The following NXF1 variants were observed in gnomAD, a reference collection of about 807,000 sequenced individuals.
NXF1 encodes nuclear RNA export factor 1.
NXF1 carries 43 observed loss-of-function variants against 92.4 expected under a neutral mutation model. The observed-to-expected ratio is 0.47, with a 90% CI of 0.36 to 0.60. The LOEUF (loss-of-function observed/expected upper bound fraction) is 0.60. Among genes scored for constraint, NXF1 ranks in the 20% least tolerant of loss-of-function variants. The pLI, the probability that NXF1 is intolerant of heterozygous loss-of-function variation, is 0.00. For missense variants in NXF1, 576 were observed against 793.0 expected (o/e 0.73, Z 3.29); for synonymous variants, 288 against 292.2 (o/e 0.99, Z 0.15).
chr11:62,796,180 G>A lies in NXF1; in HGVS notation c.1347C>T (p.Thr449=), dbSNP rs764488171. Residue 449 remains threonine, a splice_region_variant and synonymous_variant, in exon 16 of 21, where the codon ACC becomes ACT. Transcript: ENST00000294172. ...SRNVKKLKDP[T]LRFRLLKHTR... ...TGTGCTTCAGCAGCCGGAACCGCAA[G>A]GCTGTGGGTAGAGGAGAAAGCTCAG... is the stretch of plus-strand genomic sequence containing the variant. The A allele has an allele frequency of 8.1e-6, 13 of 1,614,068 alleles. No individual in the cohort carries two copies. The highest frequency in any genetic ancestry group is 1.3e-5 in the African/African-American group (1 of 74,948).
Position 62,803,877 on chromosome 11 carries a change from C to A in NXF1, c.130G>T (p.Gly44Cys), listed in dbSNP as rs756848721. The change falls in exon 2 of 21, where the codon GGT becomes TGT. Residue 44 changes from glycine (G) to cysteine (C), a missense_variant. Transcript: ENST00000294172. Reference sequence around the variant, plus strand: ...AGGCGGGAAGACCGAATACCAGAACCGCCTCTTCCAGACCTACGGTTTCCT... The same window carrying A: ...AGGCGGGAAGACCGAATACCAGAACAGCCTCTTCCAGACCTACGGTTTCCT... Reference protein sequence around the residue: ...GEGNRRSGRGGSGIRSSRLEE... With the variant: ...GEGNRRSGRGCSGIRSSRLEE... 4.3e-6 allele frequency: 7 copies of A among 1,614,060 alleles called. No individual in the cohort carries two copies. In the Admixed American group the frequency reaches 6.7e-5, roughly 15 times the overall value.
chr11:62,799,648 G>A, intron 10 of NXF1: 1 of 985,702 alleles, frequency 1.0e-6, no homozygotes, highest in South Asian at 4.7e-5. Context: ...GCCCCCGAGG[G>A]GGTCAGTTCT....
rs1188931292 is a variant in NXF1 at position 62,795,950 on chromosome 11, G to C, written c.1462-7C>G. 2 of 1,614,024 alleles carry C rather than the reference G, an allele frequency of 1.2e-6. No individual in the cohort carries two copies. Among genetic ancestry groups the C allele is most frequent in the Admixed American group, 1.7e-5 (1 of 60,020 alleles). ...AAAAACACAGCAATGTGCTCTGAAA[G>C]AGAAGCAGCATCAGGTACAATGTAC... On this transcript the variant is annotated splice_region_variant and splice_polypyrimidine_tract_variant and intron_variant, in intron 16 of 20. Coordinates refer to ENST00000294172, the MANE Select transcript of NXF1 (RefSeq NM_006362.5).
chr11:62,796,031 T>G, intron 16 of NXF1, 35 bp downstream of exon 16: 7 of 1,024,500 alleles, frequency 6.8e-6, no homozygotes, highest in African/African-American at 1.7e-5. Context: ...CCCACCCCAA[T>G]TCTAGGCTTC....
intron 10 of NXF1, 50 bp from the exon 11 acceptor site, chr11:62,798,625 C>T: frequency 1.9e-6 from 3 of 1,610,630 alleles, no homozygotes; most frequent in Non-Finnish European, 2.5e-6. Flanking sequence ...CACCGTGCCT[C>T]CTGGGCTGCT....
At chr11:62,796,018 AC>A (rs1290946730) in intron 16 of NXF1, 47 bp downstream of exon 16, 1 of 1,390,546 alleles carries the variant, frequency 7.2e-7, no homozygotes, top group South Asian at 1.1e-5. Flanking sequence ...ATTAAATGCC[AC>A]CCCCACCCCA....
At chr11:62,794,629 T>C in intron 18 of NXF1, 189 bp from the exon 19 acceptor site, 1 of 601,130 alleles carries the variant, frequency 1.7e-6, no homozygotes, top group South Asian at 2.2e-5. Flanking sequence ...ACACTAGGGT[T>C]CTCCCAACGC....
rs1191288804 is a variant in NXF1, at chr11:62,797,252, G to C, written c.1123-14C>G. On this transcript the variant is annotated splice_polypyrimidine_tract_variant and intron_variant, in intron 12 of 20. Coordinates refer to ENST00000294172, the MANE Select transcript of NXF1 (RefSeq NM_006362.5). ...AAAATAGCTTCCCTGAAATCAAACA[G>C]GTATTAGGAACATGGAAGCAGTATT... The C allele has an allele frequency of 1.2e-6, 2 of 1,613,920 alleles. No homozygotes were observed. Among genetic ancestry groups the C allele is most frequent in the Non-Finnish European group, 1.7e-6 (2 of 1,179,960 alleles).
In NXF1 at chr11:62,800,389, G is replaced by T. The variant is rs2084466090; in HGVS notation, c.1004C>A (p.Ser335Tyr). Residue 335 changes from serine (S) to tyrosine (Y), a missense_variant, in exon 10 of 21, where the codon TCC becomes TAC. Coordinates refer to ENST00000294172, the MANE Select transcript of NXF1 (RefSeq NM_006362.5). Reference protein sequence around the residue: ...NSLCDTFRDQSTYISAIRERF... With the variant: ...NSLCDTFRDQYTYISAIRERF... Reference sequence around the variant, plus strand: ...GGCTACAACTGACCTGATGTAGGTGGACTGGTCTCGGAAGGTGTCACACAG... The same window carrying T: ...GGCTACAACTGACCTGATGTAGGTGTACTGGTCTCGGAAGGTGTCACACAG... The T allele has an allele frequency of 6.2e-7, 1 of 1,613,934 alleles. No homozygotes were observed. Among genetic ancestry groups the T allele is most frequent in the African/African-American group, 1.3e-5 (1 of 74,894 alleles).
intron 10 of NXF1, chr11:62,798,921 G>A: frequency 9.1e-7 from 1 of 1,096,568 alleles, no homozygotes; most frequent in African/African-American, 1.6e-5. Flanking sequence ...GGAATGGGGT[G>A]GGAGCCCAGG....
chr11:62,802,140 G>A (rs2084486725), intron 4 of NXF1, 37 bp downstream of exon 4: 7 of 1,609,042 alleles, frequency 4.4e-6, no homozygotes, highest in Non-Finnish European at 6.0e-6. Flanking sequence ...CACCATCCCT[G>A]GTGCCTGGCC....
chr11:62,803,357 A>G, intron 3 of NXF1, 62 bp downstream of exon 3: 1 of 1,319,940 alleles, frequency 7.6e-7, no homozygotes, highest in Non-Finnish European at 1.1e-6. Context: ...AAAATTAAAC[A>G]TCTCCACTCT....
intron 20 of NXF1, 42 bp downstream of exon 20, chr11:62,792,599 C>T: frequency 1.2e-6 from 2 of 1,613,918 alleles, no homozygotes; most frequent in Non-Finnish European, 1.7e-6. Context: ...CCTGGAGGCC[C>T]AGAGATCCTA....
Position 62,801,136 on chromosome 11 carries a change from C to T in NXF1, c.864G>A (p.Gln288=), listed in dbSNP as rs368360143. The T allele has an allele frequency of 6.2e-7, 1 of 1,614,190 alleles. No individual in the cohort carries two copies. The highest frequency in any genetic ancestry group is 2.2e-5 in the East Asian group (1 of 44,888). The change falls in exon 9 of 21, where the codon CAG becomes CAA. Residue 288 remains glutamine, a synonymous_variant. Coordinates refer to ENST00000294172, the MANE Select transcript of NXF1 (RefSeq NM_006362.5). ...TTAGGATCTTCAGGTTGGGTGCCTT[C>T]TGAACAATGCTAGACATGTCATCCA... ...YRLDDMSSIV[Q]KAPNLKILNL...
At chr11:62,801,851 T>G in intron 5 of NXF1, 32 bp from the exon 6 acceptor site, 1 of 1,608,064 alleles carries the variant, frequency 6.2e-7, no homozygotes, top group Non-Finnish European at 8.5e-7. Flanking sequence ...CACAGAAAAC[T>G]CTAGGGAAGC....
chr11:62,797,066 CAAA>C (rs1160921166), intron 13 of NXF1, 114 bp downstream of exon 13: 1,068 of 612,262 alleles, frequency 1.7e-3, no homozygotes, highest in Middle Eastern at 2.7e-3. Context: ...AGACACTGTC[CAAA>C]AAAAAAAAAA....
intron 17 of NXF1, 92 bp from the exon 18 acceptor site, chr11:62,795,099 C>T: frequency 8.1e-7 from 1 of 1,229,774 alleles, no homozygotes; most frequent in Non-Finnish European, 1.2e-6. Context: ...ATAAAGAATC[C>T]TAGCAAGTCA....
chr11:62,797,082 A>T, intron 13 of NXF1, 101 bp downstream of exon 13: 1 of 1,090,780 alleles, frequency 9.2e-7, no homozygotes, highest in Non-Finnish European at 1.3e-6. Flanking sequence ...AAAAAAAAAA[A>T]ACAAAACAAA....
intron 10 of NXF1, chr11:62,800,121 G>C: frequency 1.5e-6 from 2 of 1,343,514 alleles, no homozygotes; most frequent in African/African-American, 1.5e-5. Flanking sequence ...TTCTAGAAAA[G>C]GTTGTGTTCA....
Sources: allele counts gnomAD v4.1 joint callset, GRCh38; gene constraint gnomAD v4.1.1; transcripts MANE v1.5; gene names NCBI Gene and HGNC (gene_info 2026-07-23, HGNC 2026-07-21).